PANX1: variants seen among roughly 807,000 people sequenced by gnomAD.
The protein encoded by PANX1 is pannexin 1, also known as pannexin-1.
Under a neutral mutation model 38.7 loss-of-function variants are expected in PANX1, and 30 were observed. The ratio of observed to expected loss-of-function variants is 0.78; its 90% CI spans 0.58 to 1.05. The LOEUF (loss-of-function observed/expected upper bound fraction) is 1.05, where lower values mean the gene tolerates loss of function less well. PANX1 is among the 50% of genes least tolerant of loss of function. PANX1 has a pLI of 0.00. For missense variants in PANX1, 551 were observed against 517.2 expected (o/e 1.07, Z -0.63); for synonymous variants, 230 against 212.2 (o/e 1.08, Z -0.73).
chr11:94,137,005 G>A (rs1946701036), intron 1 of PANX1, among the ~76,000 whole-genome samples: 1 of 151,836 alleles, frequency 6.6e-6, no homozygotes, highest in Non-Finnish European at 1.5e-5. Flanking sequence ...AGGAGCAAGA[G>A]AGAATGGGGG....
intron 1 of PANX1, among the ~76,000 whole-genome samples, chr11:94,147,524 C>CT (rs1946841007): frequency 6.6e-6 from 1 of 152,138 alleles, no homozygotes; most frequent in Admixed American, 6.5e-5. Flanking sequence ...GTTTTCTTGT[C>CT]TGTCTATTCT....
At chr11:94,130,186 T>G (rs562455614) in intron 1 of PANX1, among the ~76,000 whole-genome samples, 15 of 152,232 alleles carry the variant, frequency 9.9e-5, no homozygotes, top group African/African-American at 3.6e-4. Context: ...CTGTTCTGAC[T>G]CTCCACACAG....
chr11:94,178,899 G>A (rs1318822288), intron 3 of PANX1, among the ~76,000 whole-genome samples: 1 of 152,130 alleles, frequency 6.6e-6, no homozygotes, highest in African/African-American at 2.4e-5. Context: ...GCTATATGAA[G>A]CTTGCTTGCT....
chr11:94,161,751 C>T (rs1014875158), intron 2 of PANX1, among the ~76,000 whole-genome samples: 1 of 152,200 alleles, frequency 6.6e-6, no homozygotes, highest in Non-Finnish European at 1.5e-5. Context: ...CAGATTTCTT[C>T]TGTTGCTGGT....
chr11:94,158,786 T>C (rs1287838389), intron 2 of PANX1, among the ~76,000 whole-genome samples: 1 of 152,212 alleles, frequency 6.6e-6, no homozygotes, highest in East Asian at 1.9e-4. Context: ...CAACACTATG[T>C]TGAATAGGAG....
intron 2 of PANX1, among the ~76,000 whole-genome samples, chr11:94,166,206 T>C (rs1024894473): frequency 7.2e-5 from 11 of 152,290 alleles, no homozygotes; most frequent in African/African-American, 2.6e-4. Flanking sequence ...ACAATTACAG[T>C]GTTAGAGTAT....
Position 94,148,044 on chromosome 11 carries a change from C to T in PANX1, c.182-5447C>T, listed in dbSNP as rs1355195070. 3.3e-5 allele frequency among the ~76,000 whole-genome samples: 5 copies of T among 151,898 alleles called. No individual in the cohort carries two copies. The South Asian group carries it at 8.3e-4, about 25-fold the overall frequency. ...CTGTGGGAAAGAAAGACCTGGTGAACCAATGTGGTTTAAAGGAAAAAAAAA... is the reference window on the plus strand; with the variant it reads ...CTGTGGGAAAGAAAGACCTGGTGAATCAATGTGGTTTAAAGGAAAAAAAAA... On this transcript the variant is annotated intron_variant, in intron 1 of 4. Coordinates refer to ENST00000227638, the MANE Select transcript of PANX1 (RefSeq NM_015368.4).
At chr11:94,144,214 C>G (rs1555072657) in intron 1 of PANX1, among the ~76,000 whole-genome samples, 1 of 152,030 alleles carries the variant, frequency 6.6e-6, no homozygotes, top group Non-Finnish European at 1.5e-5. Flanking sequence ...AAGTCAATCC[C>G]TCTTCTTCTC....
chr11:94,145,748 A>G (rs1232888417), intron 1 of PANX1, among the ~76,000 whole-genome samples: 1 of 152,236 alleles, frequency 6.6e-6, no homozygotes, highest in Non-Finnish European at 1.5e-5. Flanking sequence ...TGCTTTAAGA[A>G]TTCTGAAATT....
At chr11:94,176,009 A>G (rs1947228430) in intron 2 of PANX1, 1 of 453,886 alleles carries the variant, frequency 2.2e-6, no homozygotes. Flanking sequence ...GGATAGGAAA[A>G]TATATGACAG....
At chr11:94,163,787 ATACTT>A (rs1435948594) in intron 2 of PANX1, among the ~76,000 whole-genome samples, 1 of 152,158 alleles carries the variant, frequency 6.6e-6, no homozygotes, top group African/African-American at 2.4e-5. Flanking sequence ...GTTTTTTTGA[ATACTT>A]TAAGTAGGGT....
intron 1 of PANX1, among the ~76,000 whole-genome samples, chr11:94,139,855 T>C (rs1361614435): frequency 6.6e-6 from 1 of 152,240 alleles, no homozygotes; most frequent in East Asian, 1.9e-4. Context: ...ACCTGTCTGT[T>C]CATTTGTATC....
intron 2 of PANX1, among the ~76,000 whole-genome samples, chr11:94,155,502 A>G (rs1460379399): frequency 2.0e-5 from 3 of 152,106 alleles, no homozygotes; most frequent in African/African-American, 7.2e-5. Flanking sequence ...CAACAGAGTG[A>G]GACTCCAAAA....
chr11:94,147,004 G>A (rs2134486683), intron 1 of PANX1, among the ~76,000 whole-genome samples: 1 of 152,260 alleles, frequency 6.6e-6, no homozygotes, highest in African/African-American at 2.4e-5. Flanking sequence ...CTCCCAAGCG[G>A]TTCAGAAAAG....
At chr11:94,133,927 G>T (rs952423286) in intron 1 of PANX1, among the ~76,000 whole-genome samples, 1 of 152,200 alleles carries the variant, frequency 6.6e-6, no homozygotes, top group Non-Finnish European at 1.5e-5. Context: ...CTGGATAAGG[G>T]TCCCAGTTGC....
intron 2 of PANX1, among the ~76,000 whole-genome samples, chr11:94,157,269 G>A (rs1946961958): frequency 6.6e-6 from 1 of 152,090 alleles, no homozygotes; most frequent in Admixed American, 6.5e-5. Flanking sequence ...GGATGGCTGG[G>A]TCAAATGGTA....
At chr11:94,157,426 A>G (rs1946966827) in intron 2 of PANX1, among the ~76,000 whole-genome samples, 1 of 152,126 alleles carries the variant, frequency 6.6e-6, no homozygotes, top group Admixed American at 6.5e-5. Flanking sequence ...AATGATCGCC[A>G]TTCTAACTGG....
intron 2 of PANX1, among the ~76,000 whole-genome samples, chr11:94,154,764 A>G (rs937576720): frequency 1.3e-5 from 2 of 152,196 alleles, no homozygotes; most frequent in Admixed American, 1.3e-4. Context: ...CTGATAGCCT[A>G]CTGTTGACTG....
Position 94,179,751 on chromosome 11 carries a change from G to GCTATTA in PANX1, c.698_703dup (p.Tyr233_Tyr234dup). On this transcript the variant is annotated inframe_insertion, in exon 4 of 5. Transcript: ENST00000227638. ...ATACTGTTAGCGTGTATCTACCTGGGCTATTACTTCAGCCTCTCCTCACTC... is the reference window on the plus strand; with the variant it reads ...ATACTGTTAGCGTGTATCTACCTGGGCTATTACTATTACTTCAGCCTCTCCTCACTC... 1 of 1,614,032 alleles carries GCTATTA rather than the reference G, an allele frequency of 6.2e-7. No individual in the cohort carries two copies. Among genetic ancestry groups the GCTATTA allele is most frequent in the Non-Finnish European group, 8.5e-7 (1 of 1,179,986 alleles).
Sources: gnomAD v4.1 joint callset for allele counts (sites outside exome capture counted in the v4.1 genomes callset) on GRCh38, gnomAD v4.1.1 for gene constraint, MANE v1.5 for transcripts, NCBI Gene and HGNC (gene_info 2026-07-23, HGNC 2026-07-21) for gene names.